The following GRM8 variants were observed in gnomAD, a reference collection of about 807,000 sequenced individuals.
The protein encoded by GRM8 is metabotropic glutamate receptor 8.
GRM8 carries 47 observed loss-of-function variants against 87.2 expected under a neutral mutation model. The ratio of observed to expected loss-of-function variants is 0.54; its 90% CI spans 0.43 to 0.69. GRM8 has a LOEUF of 0.69. Among genes scored for constraint, GRM8 ranks in the 30% least tolerant of loss-of-function variants. The probability of loss-of-function intolerance (pLI) is 0.00; values close to 1 mark genes in which losing one functional copy is unlikely to be tolerated. For synonymous variants in GRM8, 396 were observed against 404.5 expected (o/e 0.98, Z 0.25); for missense variants, 1,019 against 1,139.2 (o/e 0.89, Z 1.52).
chr7:127,108,616 T>C (rs887238629), intron 2 of GRM8, among the ~76,000 whole-genome samples: 9 of 152,180 alleles, frequency 5.9e-5, no homozygotes, highest in Admixed American at 2.6e-4. Flanking sequence ...CCACCCTTTC[T>C]AAAAATGAGC....
chr7:127,056,052 A>C (rs1405675106), intron 3 of GRM8, among the ~76,000 whole-genome samples: 1 of 152,144 alleles, frequency 6.6e-6, no homozygotes, highest in Non-Finnish European at 1.5e-5. Flanking sequence ...AAAATAATAA[A>C]GTTATTAAAA....
At chr7:126,762,064 C>T (rs1817633754) in intron 7 of GRM8, among the ~76,000 whole-genome samples, 1 of 152,154 alleles carries the variant, frequency 6.6e-6, no homozygotes, top group African/African-American at 2.4e-5. Flanking sequence ...TGACAACTCA[C>T]AGAACCACAT....
chr7:127,144,172 A>C (rs956828576), intron 2 of GRM8, among the ~76,000 whole-genome samples: 1 of 152,022 alleles, frequency 6.6e-6, no homozygotes, highest in Non-Finnish European at 1.5e-5. Context: ...AAAACTACAT[A>C]TTTGTTATGC....
In GRM8 at chr7:126,533,072, C is replaced by T. The variant is rs771142169; in HGVS notation, c.2310G>A (p.Thr770=). The T allele has an allele frequency of 4.3e-6, 7 of 1,613,130 alleles. No homozygotes were observed. The highest frequency in any genetic ancestry group is 1.1e-5 in the South Asian group (1 of 91,030). Reference sequence around the variant, plus strand: ...CATTGAAAGTCTCTGGGACACCTCTCGTTTTAATGGCATAAACAGTACAAG... The same window carrying T: ...CATTGAAAGTCTCTGGGACACCTCTTGTTTTAATGGCATAAACAGTACAAG... ...MVTCTVYAIK[T]RGVPETFNEA... Residue 770 remains threonine (T), a synonymous_variant, in exon 9 of 11, where the codon ACG becomes ACA. Coordinates refer to ENST00000339582, the MANE Select transcript of GRM8 (RefSeq NM_000845.3).
chr7:126,574,116 C>T (rs1344561205), intron 8 of GRM8, among the ~76,000 whole-genome samples: 1 of 152,156 alleles, frequency 6.6e-6, no homozygotes, highest in African/African-American at 2.4e-5. Context: ...AAACTTAAAA[C>T]ACCATTTTAA....
At position 126,533,998 on chromosome 7, in the gene GRM8, T is replaced by A; in HGVS notation, c.1495-111A>T. The stretch of plus-strand genomic sequence containing the variant: ...AGAATGCTGACAGTACAAATACAGT[T>A]TACCATAATAAGAGTCTCGTTTTTT... On this transcript the variant is annotated intron_variant, in intron 8 of 10. Coordinates refer to ENST00000339582, the MANE Select transcript of GRM8 (RefSeq NM_000845.3). 8.9e-6 allele frequency: 7 copies of A among 784,168 alleles called. No individual in the cohort carries two copies. The South Asian group carries it at 1.3e-4, about 14-fold the overall frequency. 48.6% of individuals were successfully genotyped at this position (784,168 alleles called of 1,614,324 possible).
chr7:126,483,446 TCTC>T, intron 9 of GRM8, among the ~76,000 whole-genome samples: 1 of 142,964 alleles, frequency 7.0e-6, no homozygotes, highest in East Asian at 2.1e-4. Context: ...TATTCACTAT[TCTC>T]TCCCTCCCTC....
chr7:127,223,120 G>A (rs567404431), intron 2 of GRM8, among the ~76,000 whole-genome samples: 2 of 152,232 alleles, frequency 1.3e-5, no homozygotes, highest in Admixed American at 6.5e-5. Context: ...GCTAAAAACT[G>A]AGCATTAGAT....
intron 3 of GRM8, among the ~76,000 whole-genome samples, chr7:127,027,267 G>T (rs574628731): frequency 6.6e-6 from 1 of 152,116 alleles, no homozygotes; most frequent in Non-Finnish European, 1.5e-5. Flanking sequence ...GTCAGGTAGC[G>T]TGATGCCTCC....
chr7:126,607,108 T>G (rs376664711), intron 8 of GRM8, among the ~76,000 whole-genome samples: 5 of 152,166 alleles, frequency 3.3e-5, no homozygotes, highest in East Asian at 3.8e-4. Flanking sequence ...TTCCTATAGG[T>G]CCTCTTTCAA....
At chr7:126,547,995 A>G (rs1817345975) in intron 8 of GRM8, among the ~76,000 whole-genome samples, 1 of 152,148 alleles carries the variant, frequency 6.6e-6, no homozygotes, top group Non-Finnish European at 1.5e-5. Context: ...GCCACAAAAA[A>G]GATGTGAATC....
intron 6 of GRM8, among the ~76,000 whole-genome samples, chr7:126,784,772 T>C (rs1585919913): frequency 7.0e-6 from 1 of 143,300 alleles, no homozygotes. Flanking sequence ...TCAGGTTAAA[T>C]AACCTGCCCA....
intron 8 of GRM8, among the ~76,000 whole-genome samples, chr7:126,541,766 C>G (rs529370012): frequency 1.4e-4 from 22 of 152,302 alleles, no homozygotes; most frequent in African/African-American, 4.1e-4. Context: ...AAGGTACATA[C>G]AAGAAAGATT....
At chr7:127,237,039 G>A (rs1056788224) in intron 2 of GRM8, among the ~76,000 whole-genome samples, 1 of 152,150 alleles carries the variant, frequency 6.6e-6, no homozygotes, top group South Asian at 2.1e-4. Flanking sequence ...GTGAGAAAAG[G>A]ATCCCCAAAG....
intron 7 of GRM8, among the ~76,000 whole-genome samples, chr7:126,714,361 G>A (rs1811489255): frequency 6.6e-6 from 1 of 151,040 alleles, no homozygotes; most frequent in Admixed American, 6.6e-5. Flanking sequence ...CTTTGTGCCA[G>A]ATGTTGTGCT....
chr7:126,880,015 T>G (rs1380045261), intron 6 of GRM8, among the ~76,000 whole-genome samples: 2 of 152,170 alleles, frequency 1.3e-5, no homozygotes, highest in Non-Finnish European at 2.9e-5. Flanking sequence ...TTCTAGGAAA[T>G]GGTGAAGATC....
At chr7:126,581,953 T>C (rs1164652737) in intron 8 of GRM8, among the ~76,000 whole-genome samples, 1 of 152,150 alleles carries the variant, frequency 6.6e-6, no homozygotes, top group African/African-American at 2.4e-5. Context: ...TCTTTGGGCC[T>C]TGATATTCCC....
intron 9 of GRM8, among the ~76,000 whole-genome samples, chr7:126,491,351 C>A (rs1180705001): frequency 6.6e-6 from 1 of 151,900 alleles, no homozygotes; most frequent in African/African-American, 2.4e-5. Context: ...AAAACAAAAG[C>A]GTTTTAAAAT....
At chr7:127,174,217 G>C (rs567747743) in intron 2 of GRM8, among the ~76,000 whole-genome samples, 4 of 152,272 alleles carry the variant, frequency 2.6e-5, no homozygotes, top group African/African-American at 9.6e-5. Flanking sequence ...TGTCATAACT[G>C]AACAGGGATT....
Sources: gnomAD v4.1 joint callset for allele counts (sites outside exome capture counted in the v4.1 genomes callset) on GRCh38, gnomAD v4.1.1 for gene constraint, MANE v1.5 for transcripts, NCBI Gene and HGNC (gene_info 2026-07-23, HGNC 2026-07-21) for gene names.